OSTF1: variants seen among roughly 807,000 people sequenced by gnomAD.
OSTF1 encodes the protein osteoclast stimulating factor 1.
OSTF1 carries 27 observed loss-of-function variants against 37.2 expected under a neutral mutation model. That is an observed-to-expected ratio of 0.73 (90% CI 0.54 to 1.00). OSTF1 has a LOEUF of 1.00. Ranked by LOEUF, OSTF1 falls within the 50% of genes least tolerant of loss-of-function variation. The pLI is 0.00. For missense variants in OSTF1, 232 were observed against 253.8 expected, an observed-to-expected ratio of 0.91 and a Z score of 0.58; for synonymous variants, 82 against 89.2, an observed-to-expected ratio of 0.92 and a Z score of 0.46.
chr9:75,088,722 A>G lies in OSTF1; in HGVS notation c.30A>G (p.Lys10=). ...CGAAGCCGCCACCCAAACCAGTCAA[A>G]CCAGGTGAGGGAGGTAAGGTAGGCG... is the stretch of plus-strand genomic sequence containing the variant. The part of the protein sequence containing the change: MSKPPPKPV[K]PGQVKVFRAL... The change falls in exon 1 of 10, where the codon AAA becomes AAG. Residue 10 remains lysine (K), a synonymous_variant. Transcript: ENST00000346234. The G allele has an allele frequency of 6.2e-7, 1 of 1,608,768 alleles. No individual in the cohort carries two copies. Among genetic ancestry groups the G allele is most frequent in the Non-Finnish European group, 8.5e-7 (1 of 1,177,402 alleles).
chr9:75,090,688 G>A (rs1389250849), intron 1 of OSTF1, among the ~76,000 whole-genome samples: 1 of 151,684 alleles, frequency 6.6e-6, no homozygotes, highest in African/African-American at 2.4e-5. Context: ...AAAAAAAAGC[G>A]ATGGCCAGGA....
intron 1 of OSTF1, among the ~76,000 whole-genome samples, chr9:75,096,739 T>A (rs1277697022): frequency 4.6e-5 from 7 of 152,298 alleles, no homozygotes; most frequent in East Asian, 3.9e-4. Flanking sequence ...AAATCCATAT[T>A]TGGGGAGAAG....
At chr9:75,101,835 T>C (rs1825198040) in intron 1 of OSTF1, among the ~76,000 whole-genome samples, 1 of 152,244 alleles carries the variant, frequency 6.6e-6, no homozygotes, top group African/African-American at 2.4e-5. Context: ...TTAGATGTTG[T>C]GTATATCCTG....
chr9:75,108,048 G>A (rs939524557), intron 1 of OSTF1, among the ~76,000 whole-genome samples: 1 of 151,928 alleles, frequency 6.6e-6, no homozygotes, highest in African/African-American at 2.4e-5. Flanking sequence ...ATCAGCCTGG[G>A]CAACATGACT....
chr9:75,121,672 T>C (rs1564162323), intron 2 of OSTF1, among the ~76,000 whole-genome samples: 1 of 152,158 alleles, frequency 6.6e-6, no homozygotes, highest in African/African-American at 2.4e-5. Flanking sequence ...ACTAGGTTAG[T>C]CTTATCTTCT....
rs556957462 is a variant in OSTF1, at chr9:75,101,200, C to T, written c.34+12474C>T. On this transcript the variant is annotated intron_variant, in intron 1 of 9. Coordinates refer to ENST00000346234, the MANE Select transcript of OSTF1 (RefSeq NM_012383.5). ...AGAAAGGGCTCACCACCTGGGCTGT[C>T]TAGGCGGAGCCCTGGAGTGGAGTCA... is the stretch of plus-strand genomic sequence containing the variant. Among the ~76,000 whole-genome samples, 8 of 152,286 alleles carry T rather than the reference C, an allele frequency of 5.3e-5. No homozygotes were observed. In the East Asian group the frequency reaches 1.5e-3, roughly 29 times the overall value.
Position 75,124,456 on chromosome 9 carries a change from C to T in OSTF1, c.82-3113C>T, listed in dbSNP as rs1007127223. The stretch of plus-strand genomic sequence containing the variant: ...CCCTTCCCAGCCTCTGGTAGCCATA[C>T]GTCTGCTCTCTGTCCATGAATTCAA... On this transcript the variant is annotated intron_variant, in intron 2 of 9. Transcript: ENST00000346234. 1.4e-4 allele frequency among the ~76,000 whole-genome samples: 22 copies of T among 152,294 alleles called. 1 individual carries two copies. The highest frequency in any genetic ancestry group is 1.0e-3 in the Admixed American group (16 of 15,296).
chr9:75,137,657 G>A, intron 8 of OSTF1, 41 bp downstream of exon 8: 2 of 1,252,644 alleles, frequency 1.6e-6, no homozygotes, highest in South Asian at 2.4e-5. Context: ...TGCTTGCCCT[G>A]AAAAATAGTC....
intron 1 of OSTF1, among the ~76,000 whole-genome samples, chr9:75,108,331 C>G (rs755083940): frequency 1.8e-4 from 25 of 137,320 alleles, no homozygotes; most frequent in Non-Finnish European, 3.3e-4. Context: ...ACAATGTGTG[C>G]CTTTCTGATT....
chr9:75,128,851 A>G (rs1238632248), intron 3 of OSTF1, among the ~76,000 whole-genome samples: 2 of 151,842 alleles, frequency 1.3e-5, no homozygotes, highest in Non-Finnish European at 2.9e-5. Flanking sequence ...CTTCATCTGA[A>G]TTGCAAGGAT....
intron 1 of OSTF1, among the ~76,000 whole-genome samples, chr9:75,116,464 G>A (rs184133041): frequency 6.7e-4 from 102 of 152,208 alleles, no homozygotes; most frequent in Admixed American, 2.7e-3. Context: ...ATTATAGTCC[G>A]GAGTGTCATG....
At chr9:75,124,910 G>A (rs901019484) in intron 2 of OSTF1, among the ~76,000 whole-genome samples, 2 of 152,204 alleles carry the variant, frequency 1.3e-5, no homozygotes, top group African/African-American at 2.4e-5. Flanking sequence ...CTTCTTGAAA[G>A]TACTGATTGA....
In OSTF1 at chr9:75,146,722, A is replaced by C. The variant is rs764837844; in HGVS notation, c.626A>C (p.Asp209Ala). ...RTLSNAEDYL[D>A]DEDSD is the part of the protein sequence containing the mutation. The stretch of plus-strand genomic sequence containing the variant: ...TTAAGCAATGCCGAGGACTATCTCG[A>C]TGATGAAGACTCAGATTAATTCCTT... The change falls in exon 10 of 10, where the codon GAT (aspartate) becomes GCT (alanine). Residue 209 changes from aspartate to alanine, a missense_variant. Transcript: ENST00000346234. 1.9e-5 allele frequency: 31 copies of C among 1,610,366 alleles called. No homozygotes were observed. The highest frequency in any genetic ancestry group is 2.6e-5 in the Non-Finnish European group (31 of 1,178,008).
intron 8 of OSTF1, 32 bp downstream of exon 8, chr9:75,137,648 G>T: frequency 7.1e-7 from 1 of 1,399,790 alleles, no homozygotes; most frequent in South Asian, 1.2e-5. Flanking sequence ...TCTGGTCTTT[G>T]CTTGCCCTGA....
chr9:75,146,413 C>G (rs921149623), intron 9 of OSTF1, among the ~76,000 whole-genome samples: 1 of 152,208 alleles, frequency 6.6e-6, no homozygotes, highest in Non-Finnish European at 1.5e-5. Context: ...GTCATGGTGC[C>G]TGTGGCTAGG....
Position 75,104,524 on chromosome 9 carries a change from A to G in OSTF1, c.35-12980A>G, listed in dbSNP as rs1825251372. ...CACTACACTCCAGCCTGGGTGACAGAGTGAGACCCTGTCGCTAAAATTAAA... is the reference window on the plus strand; with the variant it reads ...CACTACACTCCAGCCTGGGTGACAGGGTGAGACCCTGTCGCTAAAATTAAA... On this transcript the variant is annotated intron_variant, in intron 1 of 9. Coordinates refer to ENST00000346234, the MANE Select transcript of OSTF1 (RefSeq NM_012383.5). Among the ~76,000 whole-genome samples the G allele has an allele frequency of 7.2e-5, 11 of 152,298 alleles. No homozygotes were observed. In the South Asian group the frequency reaches 2.1e-3, roughly 29 times the overall value.
At position 75,113,729 on chromosome 9, in the gene OSTF1, GATAGC is replaced by G. The variant is rs1308180101; in HGVS notation, c.35-3771_35-3767del. ...ATTATGGTGTACAACATGATGTTTT[GATAGC>G]ATACATTGTGGAATGACTAAATCAA... On this transcript the variant is annotated intron_variant, in intron 1 of 9. Transcript: ENST00000346234. 2.6e-5 allele frequency among the ~76,000 whole-genome samples: 4 copies of G among 152,228 alleles called. No individual in the cohort carries two copies. The South Asian group carries it at 8.3e-4, about 32-fold the overall frequency.
intron 1 of OSTF1, among the ~76,000 whole-genome samples, chr9:75,111,217 A>C (rs1825381201): frequency 1.3e-5 from 2 of 152,152 alleles, no homozygotes; most frequent in African/African-American, 4.8e-5. Context: ...TCACCTAGTT[A>C]CCCTTTGCCT....
chr9:75,106,600 G>A (rs1166106816), intron 1 of OSTF1, among the ~76,000 whole-genome samples: 2 of 141,122 alleles, frequency 1.4e-5, no homozygotes, highest in East Asian at 2.1e-4. Flanking sequence ...AGTTGAGGTC[G>A]TGCCATTGCA....
Sources: gnomAD v4.1 joint callset for allele counts (sites outside exome capture counted in the v4.1 genomes callset) on GRCh38, gnomAD v4.1.1 for gene constraint, MANE v1.5 for transcripts, NCBI Gene and HGNC (gene_info 2026-07-23, HGNC 2026-07-21) for gene names.